The following ADAMDEC1 variants were observed in gnomAD, a reference collection of about 807,000 sequenced individuals.
The protein encoded by ADAMDEC1 is ADAM DEC1.
ADAMDEC1 carries 62 observed loss-of-function variants against 60.4 expected under a neutral mutation model. The observed-to-expected ratio is 1.03, with a 90% CI of 0.84 to 1.27. The LOEUF (loss-of-function observed/expected upper bound fraction) is 1.27, where lower values mean the gene tolerates loss of function less well. ADAMDEC1 is among the 50% of genes most tolerant of loss of function. ADAMDEC1 has a pLI of 0.00. For missense variants in ADAMDEC1, 595 were observed against 565.0 expected (o/e 1.05, Z -0.54); for synonymous variants, 210 against 195.1 (o/e 1.08, Z -0.64).
At chr8:24,400,129 T>G in intron 10 of ADAMDEC1, 41 bp from the exon 11 acceptor site, 1 of 1,453,866 alleles carries the variant, frequency 6.9e-7, no homozygotes, top group Non-Finnish European at 9.1e-7. Context: ...TGGCAACAAT[T>G]AAATAAAAAA....
Position 24,397,389 on chromosome 8 carries a change from G to A in ADAMDEC1, c.560G>A (p.Cys187Tyr). The A allele has an allele frequency of 1.2e-6, 2 of 1,614,100 alleles. No individual in the cohort carries two copies. The highest frequency in any genetic ancestry group is 2.2e-5 in the South Asian group (2 of 91,080). ...GAACAAGACCCAGCTAACCACACAT[G>A]TGGTGTGAAGAGCACTGACGGGAAA... ...QEEQDPANHT[C>Y]GVKSTDGKQG... is the part of the protein sequence containing the mutation. The change falls in exon 6 of 14, where the codon TGT (cysteine) becomes TAT (tyrosine). Residue 187 changes from cysteine (C) to tyrosine (Y), a missense_variant. By Grantham distance (194) the Cys-to-Tyr change is radical (BLOSUM62 -2). Coordinates refer to ENST00000256412, the MANE Select transcript of ADAMDEC1 (RefSeq NM_014479.3).
At position 24,392,372 on chromosome 8, in the gene ADAMDEC1, G is replaced by T. The variant is rs1339408966; in HGVS notation, c.199G>T (p.Gly67Cys). Residue 67 changes from glycine to cysteine, a missense_variant, in exon 2 of 14, where the codon GGC becomes TGC. Coordinates refer to ENST00000256412, the MANE Select transcript of ADAMDEC1 (RefSeq NM_014479.3). ...EIKNNQTEKH[G>C]KEERYEPEVQ... Reference sequence around the variant, plus strand: ...CAAGAACAACCAGACAGAAAAGCATGGCAAAGAGGTAAGCAAGGTGAATGA... The same window carrying T: ...CAAGAACAACCAGACAGAAAAGCATTGCAAAGAGGTAAGCAAGGTGAATGA... 6.2e-7 allele frequency: 1 copy of T among 1,606,134 alleles called. No homozygotes were observed. Among genetic ancestry groups the T allele is most frequent in the Admixed American group, 1.7e-5 (1 of 59,316 alleles).
chr8:24,384,915 C>A (rs1817255425), intron 1 of ADAMDEC1, among the ~76,000 whole-genome samples: 1 of 152,044 alleles, frequency 6.6e-6, no homozygotes, highest in Non-Finnish European at 1.5e-5. Flanking sequence ...ACATATTGTT[C>A]CATTCATTAT....
rs778600222 is a variant in ADAMDEC1 at position 24,395,781 on chromosome 8, C to A, written c.425C>A (p.Thr142Asn). ...NEKNSVASIS[T>N]CDGLRGYFTH... ...AAGAATTCTGTTGCCAGCATCAGTA[C>A]TTGTGACGGGTTGAGGTAAGAACTA... The change falls in exon 5 of 14, where the codon ACT (threonine) becomes AAT (asparagine). Residue 142 changes from threonine (T) to asparagine (N), a missense_variant. Transcript: ENST00000256412. 3.1e-6 allele frequency: 5 copies of A among 1,613,114 alleles called. No homozygotes were observed. Among genetic ancestry groups the A allele is most frequent in the Non-Finnish European group, 2.5e-6 (3 of 1,179,506 alleles).
In ADAMDEC1 at chr8:24,394,062, T is replaced by C; in HGVS notation, c.285-7T>C. 2 of 1,608,592 alleles carry C rather than the reference T, an allele frequency of 1.2e-6. No individual in the cohort carries two copies. Among genetic ancestry groups the C allele is most frequent in the Non-Finnish European group, 1.7e-6 (2 of 1,175,350 alleles). On this transcript the variant is annotated splice_region_variant and splice_polypyrimidine_tract_variant and intron_variant, in intron 3 of 13. Transcript: ENST00000256412. Reference sequence around the variant, plus strand: ...GAGTGGTCCATGCAGCTCTCTGCTCTCTACAGGCACCTCCTGGGGCCAGAC... The same window carrying C: ...GAGTGGTCCATGCAGCTCTCTGCTCCCTACAGGCACCTCCTGGGGCCAGAC...
chr8:24,402,570 T>C (rs1460163878), intron 12 of ADAMDEC1, among the ~76,000 whole-genome samples: 1 of 152,100 alleles, frequency 6.6e-6, no homozygotes, highest in Non-Finnish European at 1.5e-5. Flanking sequence ...ACATAGAACA[T>C]CCAGAATAAG....
chr8:24,393,192 A>G, intron 2 of ADAMDEC1, 70 bp from the exon 3 acceptor site: 1 of 942,094 alleles, frequency 1.1e-6, no homozygotes, highest in Non-Finnish European at 1.6e-6. Context: ...CTTCTAATAC[A>G]TACTACATAT....
chr8:24,399,394 G>C lies in ADAMDEC1; in HGVS notation c.931G>C (p.Gly311Arg). The C allele has an allele frequency of 3.7e-6, 6 of 1,613,430 alleles. No individual in the cohort carries two copies. Among genetic ancestry groups the C allele is most frequent in the Non-Finnish European group, 5.1e-6 (6 of 1,179,508 alleles). The change falls in exon 10 of 14, where the codon GGG becomes CGG. Residue 311 changes from glycine (G) to arginine (R), a missense_variant and splice_region_variant. Gly to Arg is a moderately radical substitution (Grantham distance 125, BLOSUM62 -2). Transcript: ENST00000256412. ...KIHDHAQLLS[G>R]ISFNNRRVGL... ...TAGTATCTGTAACTTTTCATACAGC[G>C]GGATTAGCTTCAACAATCGACGTGT... is the stretch of plus-strand genomic sequence containing the variant.
Position 24,393,165 on chromosome 8 carries a change from A to G in ADAMDEC1, c.208-97A>G. The G allele has an allele frequency of 4.4e-6, 3 of 675,230 alleles. No homozygotes were observed. In the South Asian group the frequency reaches 8.7e-5, roughly 19 times the overall value. 41.8% of individuals were successfully genotyped at this position (675,230 alleles called of 1,614,324 possible). A position where few individuals can be genotyped will look rare whatever the true frequency, so the allele number is the denominator to read the frequency against. ...CACAAAAGAATTGCTTTTATCCTAT[A>G]TGCATTTGTAATTGTTCTTCTAATA... On this transcript the variant is annotated intron_variant, in intron 2 of 13. Transcript: ENST00000256412.
At chr8:24,391,177 C>T (rs974278278) in intron 1 of ADAMDEC1, among the ~76,000 whole-genome samples, 1 of 152,132 alleles carries the variant, frequency 6.6e-6, no homozygotes, top group African/African-American at 2.4e-5. Flanking sequence ...CTTTCATTTT[C>T]CGTATCAGCC....
intron 1 of ADAMDEC1, chr8:24,387,284 G>A (rs558421653): frequency 2.6e-5 from 4 of 152,274 alleles, no homozygotes; most frequent in South Asian, 2.1e-4. Context: ...TATTGGGAGA[G>A]AGGGCTCAGG....
Position 24,397,396 on chromosome 8 carries a change from G to A in ADAMDEC1, c.567G>A (p.Val189=), listed in dbSNP as rs1817642101. ...ACCCAGCTAACCACACATGTGGTGT[G>A]AAGAGCACTGACGGGAAACAAGGCC... ...EQDPANHTCG[V]KSTDGKQGPI... Residue 189 remains valine (V), a synonymous_variant, in exon 6 of 14, where the codon GTG becomes GTA. Transcript: ENST00000256412. The A allele has an allele frequency of 8.1e-6, 13 of 1,614,074 alleles. No homozygotes were observed. The highest frequency in any genetic ancestry group is 1.1e-5 in the Non-Finnish European group (13 of 1,179,970).
rs1160565069 is a variant in ADAMDEC1, at chr8:24,400,279, G to T, written c.1121G>T (p.Cys374Phe). 6.2e-7 allele frequency: 1 copy of T among 1,610,428 alleles called. No homozygotes were observed. The highest frequency in any genetic ancestry group is 8.5e-7 in the Non-Finnish European group (1 of 1,178,326). ...AACACCAAGTGTCCCTCTGGCAGTT[G>T]TGTGATGAATCAGTATCTGAGGTGA... ...PFNTKCPSGS[C>F]VMNQYLSSKF... Residue 374 changes from cysteine (C) to phenylalanine (F), a missense_variant, in exon 11 of 14, where the codon TGT becomes TTT. Physicochemically the swap from Cys to Phe is radical, Grantham distance 205. Coordinates refer to ENST00000256412, the MANE Select transcript of ADAMDEC1 (RefSeq NM_014479.3).
Position 24,399,421 on chromosome 8 carries a change from G to T in ADAMDEC1, c.958G>T (p.Gly320Ter), listed in dbSNP as rs763575326. Reference sequence around the variant, plus strand: ...GATTAGCTTCAACAATCGACGTGTGGGACTGGCAGCTTCAAATTCCTTGTG... The same window carrying T: ...GATTAGCTTCAACAATCGACGTGTGTGACTGGCAGCTTCAAATTCCTTGTG... ...SGISFNNRRV[G>*]LAASNSLCSP... is the part of the protein sequence containing the mutation. Residue 320 changes from glycine (G) to a stop codon, truncating the protein, a stop_gained, in exon 10 of 14, where the codon GGA (glycine) becomes TGA (stop). Transcript: ENST00000256412. LOFTEE classifies it high-confidence loss of function. The T allele has an allele frequency of 2.5e-6, 4 of 1,613,870 alleles. No individual in the cohort carries two copies. Among genetic ancestry groups the T allele is most frequent in the East Asian group, 2.2e-5 (1 of 44,844 alleles).
Position 24,395,782 on chromosome 8 carries a change from T to A in ADAMDEC1, c.426T>A (p.Thr142=), listed in dbSNP as rs1335368584. 6.2e-7 allele frequency: 1 copy of A among 1,613,208 alleles called. No homozygotes were observed. Among genetic ancestry groups the A allele is most frequent in the South Asian group, 1.1e-5 (1 of 91,020 alleles). Residue 142 remains threonine, a synonymous_variant, in exon 5 of 14, where the codon ACT becomes ACA. Transcript: ENST00000256412. ...AGAATTCTGTTGCCAGCATCAGTAC[T>A]TGTGACGGGTTGAGGTAAGAACTAC... ...NEKNSVASIS[T]CDGLRGYFTH...
intron 10 of ADAMDEC1, among the ~76,000 whole-genome samples, 183 bp downstream of exon 10, chr8:24,399,657 A>G (rs1368385772): frequency 6.6e-6 from 1 of 152,182 alleles, no homozygotes; most frequent in Non-Finnish European, 1.5e-5. Flanking sequence ...ATTTCCTTAC[A>G]TCAGCCTTGC....
rs1335848814 is a variant in ADAMDEC1, at chr8:24,384,486, C to G, written c.-19C>G. On this transcript the variant is annotated 5_prime_UTR_variant, in exon 1 of 14. Coordinates refer to ENST00000256412, the MANE Select transcript of ADAMDEC1 (RefSeq NM_014479.3). ...AAATTGGAGAAGATAAAACTGGACA[C>G]TGGGGAGACCACAACTTCATGCTGC... 2 of 1,587,040 alleles carry G rather than the reference C, an allele frequency of 1.3e-6. No homozygotes were observed. The highest frequency in any genetic ancestry group is 2.3e-5 in the South Asian group (2 of 87,314).
rs141224291 is a variant in ADAMDEC1 at position 24,395,623 on chromosome 8, G to A, written c.364-97G>A. 4.5e-4 allele frequency: 360 copies of A among 801,104 alleles called. 2 individuals carry two copies. The East Asian group carries it at 8.2e-3, about 18-fold the overall frequency. 49.6% of individuals were successfully genotyped at this position (801,104 alleles called of 1,614,324 possible). On this transcript the variant is annotated intron_variant, in intron 4 of 13. Coordinates refer to ENST00000256412, the MANE Select transcript of ADAMDEC1 (RefSeq NM_014479.3). ...CAAGATGGTAGCTTTCCTCACAACT[G>A]TGATACATGTATTCTCATAGTTTAT...
intron 7 of ADAMDEC1, among the ~76,000 whole-genome samples, chr8:24,398,238 G>A (rs958326051): frequency 6.6e-6 from 1 of 151,684 alleles, no homozygotes; most frequent in Non-Finnish European, 1.5e-5. Context: ...TTAATTTGAT[G>A]TATTCAACTT....
Sources: gnomAD v4.1 joint callset for allele counts (sites outside exome capture counted in the v4.1 genomes callset) on GRCh38, gnomAD v4.1.1 for gene constraint, MANE v1.5 for transcripts, NCBI Gene and HGNC (gene_info 2026-07-23, HGNC 2026-07-21) for gene names.